The following MOV10L1 variants were observed in gnomAD, a reference collection of about 807,000 sequenced individuals.
The protein encoded by MOV10L1 is RNA helicase Mov10l1.
MOV10L1 carries 110 observed loss-of-function variants against 143.8 expected under a neutral mutation model. The observed-to-expected ratio is 0.76, with a 90% CI of 0.66 to 0.90. The LOEUF (loss-of-function observed/expected upper bound fraction) is 0.90. Among genes scored for constraint, MOV10L1 ranks in the 40% least tolerant of loss-of-function variants. The pLI is 0.00. For missense variants in MOV10L1, 1,406 were observed against 1,526.8 expected, an observed-to-expected ratio of 0.92 and a Z score of 1.32; for synonymous variants, 593 against 581.1, an observed-to-expected ratio of 1.02 and a Z score of -0.29.
chr22:50,115,454 G>A (rs887287357), intron 8 of MOV10L1, among the ~76,000 whole-genome samples: 4 of 152,310 alleles, frequency 2.6e-5, no homozygotes, highest in East Asian at 1.9e-4. Context: ...TCAGGAGGCT[G>A]AGGCAGTAGA....
chr22:50,108,947 C>G, intron 5 of MOV10L1, 103 bp downstream of exon 5: 2 of 1,084,262 alleles, frequency 1.8e-6, no homozygotes, highest in Non-Finnish European at 2.7e-6. Context: ...GAGTTCAAGA[C>G]CAGCCTGACC....
chr22:50,144,190 G>T lies in MOV10L1; in HGVS notation c.2452G>T (p.Val818Leu). Residue 818 changes from valine to leucine, a missense_variant, in exon 18 of 27, where the codon GTG becomes TTG. Around this residue, in one of 3 missense-constraint regions of MOV10L1, gnomAD observed 1,233 missense variants for 1,351.4 expected, o/e 0.91. Coordinates refer to ENST00000262794, the MANE Select transcript of MOV10L1 (RefSeq NM_018995.3). ...GTGTCTGCGGCTGCACGAGAGCAAG[G>T]TGCTACAGCCGGCCACCATGGTCCG... The part of the protein sequence containing the change: ...LVCLRLHESK[V>L]LQPATMVRVN... 1 of 1,612,328 alleles carries T rather than the reference G, an allele frequency of 6.2e-7. No individual in the cohort carries two copies. Among genetic ancestry groups the T allele is most frequent in the Non-Finnish European group, 8.5e-7 (1 of 1,178,510 alleles).
chr22:50,125,275 C>T lies in MOV10L1; in HGVS notation c.1570-117C>T, dbSNP rs564582478. On this transcript the variant is annotated intron_variant, in intron 10 of 26. Transcript: ENST00000262794. ...CCTGCAGACTCCGGCGAGGATCGCC[C>T]CACCTGGGGGGCCATCTGCTGAACT... 2.5e-5 allele frequency: 26 copies of T among 1,043,532 alleles called. No individual in the cohort carries two copies. In the African/African-American group the frequency reaches 3.4e-4, roughly 13 times the overall value. The allele number at this position is 1,043,532 out of a possible 1,614,324, so 64.6% of individuals were successfully genotyped here.
intron 19 of MOV10L1, among the ~76,000 whole-genome samples, chr22:50,148,113 G>T (rs2063200979): frequency 6.6e-6 from 1 of 152,264 alleles, no homozygotes; most frequent in Non-Finnish European, 1.5e-5. Flanking sequence ...GCAGTGAGAA[G>T]GGTAAACGTG....
intron 15 of MOV10L1, among the ~76,000 whole-genome samples, chr22:50,135,063 GAGTGC>G (rs1296889075): frequency 6.6e-6 from 1 of 151,602 alleles, no homozygotes; most frequent in East Asian, 2.0e-4. Context: ...ACCCAGGCTG[GAGTGC>G]AGTGGTGCAA....
At chr22:50,133,928 A>G (rs1855139481) in intron 13 of MOV10L1, 79 bp from the exon 14 acceptor site, 1 of 1,202,550 alleles carries the variant, frequency 8.3e-7, no homozygotes, top group Middle Eastern at 1.9e-4. Context: ...ATTGTATCAT[A>G]AAATTTTCAT....
At chr22:50,124,187 C>T (rs1158981732) in intron 10 of MOV10L1, among the ~76,000 whole-genome samples, 1 of 151,880 alleles carries the variant, frequency 6.6e-6, no homozygotes, top group African/African-American at 2.4e-5. Flanking sequence ...TTAGTTTGTT[C>T]TCCTTTGTCT....
At chr22:50,150,602 A>AGGG in intron 20 of MOV10L1, 133 bp from the exon 21 acceptor site, 1 of 1,010,196 alleles carries the variant, frequency 9.9e-7, no homozygotes, top group Non-Finnish European at 1.4e-6. Flanking sequence ...CTGGTCTCCC[A>AGGG]GTCCCTCCCG....
rs78755004 is a variant in MOV10L1, at chr22:50,098,432, G to T, written c.283-1011G>T. On this transcript the variant is annotated intron_variant, in intron 2 of 26. Transcript: ENST00000262794. ...ATTTTACGTGTCTTCCATCTCCTTA[G>T]TTAGGTTACTAAGTGTTCTGAGGAA... Among the ~76,000 whole-genome samples the T allele has an allele frequency of 2.7e-3, 413 of 152,198 alleles. 2 individuals carry two copies. Among genetic ancestry groups the T allele is most frequent in the African/African-American group, 9.4e-3 (392 of 41,514 alleles).
At chr22:50,142,236 G>A (rs201712990) in intron 16 of MOV10L1, 47 bp downstream of exon 16, 9 of 1,508,882 alleles carry the variant, frequency 6.0e-6, no homozygotes, top group Admixed American at 3.8e-5. Context: ...TGAGACTGTC[G>A]CCTGGAAAAC....
rs2063502792 is a variant in MOV10L1, at chr22:50,159,490, T to C, written c.3217-188T>C. Among the ~76,000 whole-genome samples, 1 of 151,906 alleles carries C rather than the reference T, an allele frequency of 6.6e-6. No homozygotes were observed. The highest frequency in any genetic ancestry group is 1.5e-5 in the Non-Finnish European group (1 of 68,006). On this transcript the variant is annotated intron_variant, in intron 23 of 26. Transcript: ENST00000262794. The surrounding 1 kb of genome is among the most constrained non-coding windows in gnomAD (Gnocchi z 4.1). ...GGTGGCATGCACCCATAATCCCAGCTGCTCAGGAGGCTGAGGCAGGAGAAT... is the reference window on the plus strand; with the variant it reads ...GGTGGCATGCACCCATAATCCCAGCCGCTCAGGAGGCTGAGGCAGGAGAAT...
At chr22:50,116,660 C>CTTTTTT (rs397867977) in intron 8 of MOV10L1, among the ~76,000 whole-genome samples, 16 of 104,114 alleles carry the variant, frequency 1.5e-4, no homozygotes, top group East Asian at 6.0e-4. Flanking sequence ...TAGATGCTTA[C>CTTTTTT]TTTTTTTTTT....
rs1234853298 is a variant in MOV10L1, at chr22:50,158,749, C to G, written c.3216+543C>G. 1 of 152,840 alleles carries G rather than the reference C, an allele frequency of 6.5e-6. No homozygotes were observed. Among genetic ancestry groups the G allele is most frequent in the African/African-American group, 2.4e-5 (1 of 41,428 alleles). 9.5% of individuals were successfully genotyped at this position (152,840 alleles called of 1,614,324 possible). A position where few individuals can be genotyped will look rare whatever the true frequency, so the allele number is the denominator to read the frequency against. The stretch of plus-strand genomic sequence containing the variant: ...GCATGTGTCCCTGTGGTGTTCACAC[C>G]ACCAAGCAGAACTTGGAAAGAACCC... On this transcript the variant is annotated intron_variant, in intron 23 of 26. Transcript: ENST00000262794. This position sits in a 1 kb window ranked among gnomAD's most constrained non-coding sequence, Gnocchi z 5.0.
intron 3 of MOV10L1, among the ~76,000 whole-genome samples, chr22:50,104,352 T>C (rs2061817351): frequency 2.0e-5 from 3 of 152,230 alleles, no homozygotes; most frequent in Admixed American, 2.0e-4. Flanking sequence ...AGCCTTGTTC[T>C]TGGTGCTTGT....
chr22:50,151,166 TA>T lies in MOV10L1; in HGVS notation c.2892+272del, dbSNP rs1246385082. Reference sequence around the variant, plus strand: ...AAAGCAAGAAATAATTTTTGTGACTTAAAAAGCCTGCCCTAGAGTGACTGCA... The same window carrying T: ...AAAGCAAGAAATAATTTTTGTGACTTAAAAGCCTGCCCTAGAGTGACTGCA... On this transcript the variant is annotated intron_variant, in intron 21 of 26. Transcript: ENST00000262794. Among the ~76,000 whole-genome samples the T allele has an allele frequency of 2.6e-5, 4 of 152,332 alleles. No homozygotes were observed. The East Asian group carries it at 7.7e-4, about 29-fold the overall frequency.
intron 19 of MOV10L1, chr22:50,147,081 G>A: frequency 6.4e-7 from 1 of 1,560,434 alleles, no homozygotes; most frequent in Non-Finnish European, 8.7e-7. Context: ...GTCCTCACTG[G>A]GGTGCAGAGG....
intron 14 of MOV10L1, 21 bp from the exon 15 acceptor site, chr22:50,134,509 T>C: frequency 6.2e-7 from 1 of 1,605,848 alleles, no homozygotes; most frequent in Non-Finnish European, 8.5e-7. Context: ...CCCGTGCTCT[T>C]ACCATTTTTT....
chr22:50,121,080 G>T (rs996830294), intron 10 of MOV10L1, among the ~76,000 whole-genome samples: 2 of 152,224 alleles, frequency 1.3e-5, no homozygotes, highest in African/African-American at 4.8e-5. Flanking sequence ...GAGAAGAAAA[G>T]TTCAAGAAGG....
chr22:50,142,832 T>A (rs2063029474), intron 16 of MOV10L1, among the ~76,000 whole-genome samples: 1 of 151,652 alleles, frequency 6.6e-6, no homozygotes, highest in African/African-American at 2.4e-5. Context: ...CGAGACCCTG[T>A]CTCAAAAAAG....
Sources: gnomAD v4.1 joint callset for allele counts (sites outside exome capture counted in the v4.1 genomes callset) on GRCh38, gnomAD v4.1.1 for gene constraint, gnomAD v4.1.1 regional missense constraint, Gnocchi (gnomAD v3.1) non-coding constraint, MANE v1.5 for transcripts, NCBI Gene and HGNC (gene_info 2026-07-23, HGNC 2026-07-21) for gene names.